ADAMTS20: variants seen among roughly 807,000 people sequenced by gnomAD.
ADAMTS20 encodes A disintegrin and metalloproteinase with thrombospondin motifs 20.
In ADAMTS20, 225 loss-of-function variants were observed where a neutral mutation model predicts 260.1. That is an observed-to-expected ratio of 0.87 (90% CI 0.78 to 0.97). ADAMTS20 has a LOEUF of 0.97. Among genes scored for constraint, ADAMTS20 ranks in the 50% least tolerant of loss-of-function variants. The pLI is 0.00. For missense variants in ADAMTS20, 2,400 were observed against 2,337.7 expected (o/e 1.03, Z -0.55); for synonymous variants, 802 against 769.5 (o/e 1.04, Z -0.70).
At chr12:43,520,830 A>G (rs1477643321) in intron 3 of ADAMTS20, among the ~76,000 whole-genome samples, 1 of 152,206 alleles carries the variant, frequency 6.6e-6, no homozygotes, top group Non-Finnish European at 1.5e-5. Context: ...CATTTATAAA[A>G]TGTTATAAAT....
At chr12:43,501,459 A>G (rs1469793150) in intron 4 of ADAMTS20, among the ~76,000 whole-genome samples, 2 of 73,846 alleles carry the variant, frequency 2.7e-5, no homozygotes, top group Non-Finnish European at 5.0e-5. Context: ...GTGGAGGGGG[A>G]TACGCGCGCG....
intron 3 of ADAMTS20, among the ~76,000 whole-genome samples, chr12:43,529,809 T>G (rs1481353927): frequency 6.6e-6 from 1 of 152,100 alleles, no homozygotes; most frequent in Non-Finnish European, 1.5e-5. Flanking sequence ...TATTAAAACT[T>G]TTAAGAAGAA....
intron 27 of ADAMTS20, 70 bp downstream of exon 27, chr12:43,427,238 T>A (rs1011521045): frequency 3.3e-5 from 50 of 1,526,764 alleles, no homozygotes; most frequent in African/African-American, 8.3e-5. Context: ...TTGAACAGTA[T>A]AAGATGCTTT....
At chr12:43,454,371 T>G (rs909943071) in intron 11 of ADAMTS20, among the ~76,000 whole-genome samples, 9 of 152,062 alleles carry the variant, frequency 5.9e-5, no homozygotes, top group African/African-American at 1.7e-4. Flanking sequence ...GTTAATATGG[T>G]ATATTTCCAT....
chr12:43,388,187 G>A (rs968396030), intron 29 of ADAMTS20, among the ~76,000 whole-genome samples: 1 of 152,084 alleles, frequency 6.6e-6, no homozygotes, highest in Non-Finnish European at 1.5e-5. Context: ...CTGGTCGGTG[G>A]GTTGCAAAGA....
intron 36 of ADAMTS20, among the ~76,000 whole-genome samples, chr12:43,374,355 T>C (rs1004271203): frequency 9.2e-5 from 14 of 152,214 alleles, no homozygotes; most frequent in African/African-American, 3.1e-4. Flanking sequence ...TAGGCACTGA[T>C]GATTCAATGG....
chr12:43,452,776 C>G (rs1592076797), intron 12 of ADAMTS20, 81 bp from the exon 13 acceptor site: 1 of 1,315,416 alleles, frequency 7.6e-7, no homozygotes, highest in South Asian at 1.6e-5. Context: ...CATTCTTTTC[C>G]AGGATCTAGA....
intron 37 of ADAMTS20, among the ~76,000 whole-genome samples, chr12:43,365,620 G>A (rs1249731747): frequency 2.0e-5 from 3 of 151,892 alleles, no homozygotes; most frequent in Non-Finnish European, 4.4e-5. Context: ...CAAACTCTAT[G>A]AATATACAAT....
chr12:43,437,477 G>C lies in ADAMTS20; in HGVS notation c.2593+2145C>G, dbSNP rs114464597. ...ATTGTCCTGAAATTTCATACCACTA[G>C]AATTAAAGAGAGGATCCACAAAACT... On this transcript the variant is annotated intron_variant, in intron 18 of 38. Transcript: ENST00000389420. Among the ~76,000 whole-genome samples, 596 of 152,094 alleles carry C rather than the reference G, an allele frequency of 3.9e-3. 10 individuals carry two copies. The highest frequency in any genetic ancestry group is 0.014 in the African/African-American group (571 of 41,518).
chr12:43,409,043 A>T lies in ADAMTS20; in HGVS notation c.4285-9810T>A, dbSNP rs577231925. On this transcript the variant is annotated intron_variant, in intron 28 of 38. Coordinates refer to ENST00000389420, the MANE Select transcript of ADAMTS20 (RefSeq NM_025003.5). ...ATTCCTTTTTTTTACTTCCTTTCTCAAATCCTGAGTGTGTTTTTATCAAGA... is the reference window on the plus strand; with the variant it reads ...ATTCCTTTTTTTTACTTCCTTTCTCTAATCCTGAGTGTGTTTTTATCAAGA... Among the ~76,000 whole-genome samples, 4 of 152,022 alleles carry T rather than the reference A, an allele frequency of 2.6e-5. No individual in the cohort carries two copies. In the East Asian group the frequency reaches 7.8e-4, roughly 30 times the overall value.
chr12:43,531,536 A>G (rs977600365), intron 3 of ADAMTS20, among the ~76,000 whole-genome samples: 15 of 152,170 alleles, frequency 9.9e-5, no homozygotes, highest in Non-Finnish European at 7.4e-5. Flanking sequence ...GTCCTTCAAT[A>G]TTTAAGAAAT....
intron 15 of ADAMTS20, 79 bp downstream of exon 15, chr12:43,446,516 A>G (rs1026482098): frequency 7.4e-6 from 8 of 1,080,886 alleles, no homozygotes; most frequent in Non-Finnish European, 1.1e-5. Context: ...AGTAACAAAG[A>G]ATTACTGTTA....
intron 28 of ADAMTS20, among the ~76,000 whole-genome samples, chr12:43,410,585 G>C (rs1941013007): frequency 6.6e-6 from 1 of 152,172 alleles, no homozygotes; most frequent in African/African-American, 2.4e-5. Flanking sequence ...CTCTATAAAA[G>C]GGAGTCAATA....
chr12:43,489,030 T>C (rs1942563712), intron 7 of ADAMTS20, among the ~76,000 whole-genome samples: 1 of 152,064 alleles, frequency 6.6e-6, no homozygotes, highest in Non-Finnish European at 1.5e-5. Flanking sequence ...TGGTGCTTAA[T>C]AATATTCCTT....
chr12:43,438,239 C>A (rs146920487), intron 18 of ADAMTS20, among the ~76,000 whole-genome samples: 199 of 152,240 alleles, frequency 1.3e-3, no homozygotes, highest in African/African-American at 4.6e-3. Flanking sequence ...TGTGTGTTCA[C>A]TGCATTTTAA....
rs138362393 is a variant in ADAMTS20 at position 43,452,336 on chromosome 12, C to A, written c.2017G>T (p.Val673Phe). The change falls in exon 14 of 39, where the codon GTT (valine) becomes TTT (phenylalanine). Residue 673 changes from valine to phenylalanine, a missense_variant. Transcript: ENST00000389420. ...TNYFYLLKDM[V>F]EDGTPCGTET... ...GTTCCACAAGGAGTACCATCTTCAA[C>A]CATATCCTTCAATAGGTAGAAATAA... The A allele has an allele frequency of 1.9e-6, 3 of 1,613,284 alleles. No homozygotes were observed. In the East Asian group the frequency reaches 6.7e-5, roughly 36 times the overall value.
chr12:43,402,459 T>C (rs1940828614), intron 28 of ADAMTS20, among the ~76,000 whole-genome samples: 1 of 152,004 alleles, frequency 6.6e-6, no homozygotes, highest in Admixed American at 6.6e-5. Context: ...ATCCTCAAGA[T>C]TTAAAAAGGA....
At chr12:43,384,907 C>T (rs1940438247) in intron 29 of ADAMTS20, among the ~76,000 whole-genome samples, 1 of 152,130 alleles carries the variant, frequency 6.6e-6, no homozygotes. Context: ...AACAGTGCTG[C>T]TATAAACATA....
intron 31 of ADAMTS20, 40 bp downstream of exon 31, chr12:43,383,518 T>C: frequency 6.4e-7 from 1 of 1,557,546 alleles, no homozygotes; most frequent in East Asian, 2.2e-5. Flanking sequence ...AGCTGTTTTA[T>C]CAAGGAGCAA....
Sources: gnomAD v4.1 joint callset for allele counts (sites outside exome capture counted in the v4.1 genomes callset) on GRCh38, gnomAD v4.1.1 for gene constraint, MANE v1.5 for transcripts, NCBI Gene and HGNC (gene_info 2026-07-23, HGNC 2026-07-21) for gene names.